Variants in PCDHGA8 observed in about 807,000 individuals in gnomAD.
PCDHGA8 encodes protocadherin gamma subfamily A, 8, also known as protocadherin gamma-A8.
PCDHGA8 carries 45 observed loss-of-function variants against 59.2 expected under a neutral mutation model. The ratio of observed to expected loss-of-function variants is 0.76; its 90% CI spans 0.60 to 0.98. The LOEUF is 0.98. PCDHGA8 is among the 50% of genes least tolerant of loss of function. The pLI is 0.00. For missense variants in PCDHGA8, 1,257 were observed against 1,196.2 expected, an observed-to-expected ratio of 1.05 and a Z score of -0.75; for synonymous variants, 531 against 519.0, an observed-to-expected ratio of 1.02 and a Z score of -0.32.
At chr5:141,422,929 C>A (rs752323344) in intron 1 of PCDHGA8, 8 of 1,614,260 alleles carry the variant, frequency 5.0e-6, no homozygotes, top group Middle Eastern at 3.3e-4. Flanking sequence ...GTACCCTGCC[C>A]TCCCCACAGA....
chr5:141,434,026 A>G (rs2154556044), intron 1 of PCDHGA8, among the ~76,000 whole-genome samples: 1 of 152,236 alleles, frequency 6.6e-6, no homozygotes, highest in Admixed American at 6.5e-5. Flanking sequence ...TGATTCTGGA[A>G]GCATGGTTTT....
intron 1 of PCDHGA8, among the ~76,000 whole-genome samples, chr5:141,458,663 G>A (rs1045303205): frequency 2.6e-5 from 4 of 151,804 alleles, no homozygotes; most frequent in Admixed American, 6.6e-5. Context: ...TCCACCTCTC[G>A]GGTTCAAGCA....
At chr5:141,444,002 C>T (rs2098413409) in intron 1 of PCDHGA8, among the ~76,000 whole-genome samples, 1 of 151,918 alleles carries the variant, frequency 6.6e-6, no homozygotes, top group African/African-American at 2.4e-5. Flanking sequence ...TAAATGCTAC[C>T]TGGGTATTGG....
At chr5:141,423,499 G>T (rs1590485367) in intron 1 of PCDHGA8, 1 of 1,613,966 alleles carries the variant, frequency 6.2e-7, no homozygotes, top group Non-Finnish European at 8.5e-7. Context: ...TTCCCACGAG[G>T]TCTCTCTCAT....
chr5:141,418,890 G>C (rs1449142412), intron 1 of PCDHGA8: 1 of 1,613,934 alleles, frequency 6.2e-7, no homozygotes, highest in South Asian at 1.1e-5. Context: ...AACGACAACA[G>C]CCCAGAAATA....
intron 2 of PCDHGA8, among the ~76,000 whole-genome samples, chr5:141,500,020 T>A (rs905529317): frequency 6.6e-6 from 1 of 151,918 alleles, no homozygotes; most frequent in Non-Finnish European, 1.5e-5. Flanking sequence ...ACATTTTATA[T>A]TTGAGTGAGT....
Position 141,431,442 on chromosome 5 carries a change from T to G in PCDHGA8, c.2424+36205T>G. 6.2e-7 allele frequency: 1 copy of G among 1,613,746 alleles called. No individual in the cohort carries two copies. The highest frequency in any genetic ancestry group is 1.7e-5 in the Admixed American group (1 of 60,014). The stretch of plus-strand genomic sequence containing the variant: ...CCGGTGCGCACAGGCACCGCGCGCA[T>G]CCGCGTGATGGTTCTGGATGCGAAC... On this transcript the variant is annotated intron_variant, in intron 1 of 3. Coordinates refer to ENST00000398604, the MANE Select transcript of PCDHGA8 (RefSeq NM_032088.2). This position sits in a 1 kb window ranked among gnomAD's most constrained non-coding sequence, Gnocchi z 4.8.
At chr5:141,404,488 T>A in intron 1 of PCDHGA8, 1 of 1,613,536 alleles carries the variant, frequency 6.2e-7, no homozygotes, top group Non-Finnish European at 8.5e-7. Context: ...CAGACACTGG[T>A]GTGCTGTATG....
chr5:141,399,796 C>A (rs62621781), intron 1 of PCDHGA8: 1 of 1,613,212 alleles, frequency 6.2e-7, no homozygotes. Context: ...CAACGCACCG[C>A]GGGTGCTGTA....
In PCDHGA8 at chr5:141,395,148, C is replaced by T. The variant is rs1288484224; in HGVS notation, c.2335C>T (p.Leu779Phe). 19 of 1,614,078 alleles carry T rather than the reference C, an allele frequency of 1.2e-5. No homozygotes were observed. Among genetic ancestry groups the T allele is most frequent in the Non-Finnish European group, 1.6e-5 (19 of 1,180,048 alleles). ...IFPQPNYADM[L>F]ISQEGCEKND... ...TCCCCAGCCCAACTACGCAGACATG[C>T]TCATCAGTCAGGAGGGCTGTGAGAA... The change falls in exon 1 of 4, where the codon CTC becomes TTC. Residue 779 changes from leucine to phenylalanine, a missense_variant. Transcript: ENST00000398604.
chr5:141,469,553 G>A (rs989713451), intron 1 of PCDHGA8, among the ~76,000 whole-genome samples: 2 of 152,086 alleles, frequency 1.3e-5, no homozygotes, highest in African/African-American at 2.4e-5. Flanking sequence ...CCAGCCTGGC[G>A]ACAGAGTGAG....
At chr5:141,482,235 T>C (rs2099554999) in intron 1 of PCDHGA8, among the ~76,000 whole-genome samples, 1 of 152,174 alleles carries the variant, frequency 6.6e-6, no homozygotes, top group Non-Finnish European at 1.5e-5. Context: ...AAATTGCCAA[T>C]ATAAGTATAG....
intron 1 of PCDHGA8, among the ~76,000 whole-genome samples, chr5:141,456,105 G>T (rs2098843517): frequency 6.6e-6 from 1 of 151,978 alleles, no homozygotes; most frequent in Non-Finnish European, 1.5e-5. Context: ...CACCGTGTTA[G>T]CCAGGATGGT....
At chr5:141,418,877 G>T in intron 1 of PCDHGA8, 1 of 1,613,960 alleles carries the variant, frequency 6.2e-7, no homozygotes, top group Non-Finnish European at 8.5e-7. Context: ...AGTTGTAGAC[G>T]AAAACGACAA....
intron 1 of PCDHGA8, among the ~76,000 whole-genome samples, chr5:141,465,104 T>A (rs1044128193): frequency 1.3e-5 from 2 of 151,862 alleles, no homozygotes; most frequent in East Asian, 3.9e-4. Context: ...GTTTTTTTTT[T>A]AAGTGTTTTA....
At chr5:141,404,023 A>G in intron 1 of PCDHGA8, 1 of 1,613,874 alleles carries the variant, frequency 6.2e-7, no homozygotes, top group South Asian at 1.1e-5. Context: ...GCCCAGTGAG[A>G]GAAGACGCAC....
chr5:141,401,096 C>A (rs1193628525), intron 1 of PCDHGA8, among the ~76,000 whole-genome samples: 1 of 152,160 alleles, frequency 6.6e-6, no homozygotes, highest in Non-Finnish European at 1.5e-5. Context: ...GTAATCCCAG[C>A]ACTTTGGGAG....
At chr5:141,415,397 G>T (rs1168654728) in intron 1 of PCDHGA8, 1 of 1,614,124 alleles carries the variant, frequency 6.2e-7, no homozygotes, top group African/African-American at 1.3e-5. Context: ...GGTGTGTCCG[G>T]CTCGCACTTT....
At chr5:141,415,074 G>A (rs745950404) in intron 1 of PCDHGA8, 4 of 1,613,448 alleles carry the variant, frequency 2.5e-6, no homozygotes, top group East Asian at 2.2e-5. Flanking sequence ...TGCGCACGGC[G>A]CGAGCCCTGC....
Sources: allele counts gnomAD v4.1 joint callset (sites outside exome capture counted in the v4.1 genomes callset), GRCh38; gene constraint gnomAD v4.1.1; non-coding constraint Gnocchi (gnomAD v3.1); transcripts MANE v1.5; gene names NCBI Gene and HGNC (gene_info 2026-07-23, HGNC 2026-07-21).